Variants in TRIP12 observed in about 807,000 individuals in gnomAD.
TRIP12 encodes thyroid hormone receptor interactor 12, also known as E3 ubiquitin-protein ligase TRIP12.
A neutral mutation model predicts 244.2 loss-of-function variants in TRIP12; 25 were observed. The ratio of observed to expected loss-of-function variants is 0.10; its 90% confidence interval spans 0.07 to 0.14. The LOEUF (loss-of-function observed/expected upper bound fraction) is 0.14, where lower values mean the gene tolerates loss of function less well. Among genes scored for constraint, TRIP12 ranks in the 10% least tolerant of loss-of-function variants. The probability of loss-of-function intolerance (pLI) is 1.00; values close to 1 mark genes in which losing one functional copy is unlikely to be tolerated. For missense variants in TRIP12, 1,677 were observed against 2,486.4 expected, an observed-to-expected ratio of 0.67 and a Z score of 6.92; for synonymous variants, 905 against 873.1, an observed-to-expected ratio of 1.04 and a Z score of -0.64.
chr2:229,789,885 T>C, intron 30 of TRIP12, 123 bp from the exon 31 acceptor site: 3 of 1,023,576 alleles, frequency 2.9e-6, no homozygotes, highest in Non-Finnish European at 4.3e-6. Flanking sequence ...TGGAATCTTA[T>C]TAGTAGGGTA....
intron 23 of TRIP12, among the ~76,000 whole-genome samples, chr2:229,798,394 T>C (rs1193773288): frequency 6.6e-6 from 1 of 151,646 alleles, no homozygotes; most frequent in African/African-American, 2.4e-5. Flanking sequence ...AAATTTCTTA[T>C]CTGCAGAGGG....
In TRIP12 at chr2:229,862,180, A is replaced by G. The variant is rs566256660; in HGVS notation, c.99-1649T>C. Among the ~76,000 whole-genome samples, 19 of 152,084 alleles carry G rather than the reference A, an allele frequency of 1.2e-4. 1 individual carries two copies. The South Asian group carries it at 3.9e-3, about 32-fold the overall frequency. ...CATGTGATTTTCCTGCCTTGTATAT[A>G]TTGTGATTTAATTTTAATTTTTCCT... On this transcript the variant is annotated intron_variant, in intron 2 of 41. Coordinates refer to ENST00000675903, the MANE Select transcript of TRIP12 (RefSeq NM_001348323.3).
intron 9 of TRIP12, 26 bp from the exon 10 acceptor site, chr2:229,815,334 G>C: frequency 2.3e-6 from 3 of 1,328,224 alleles, no homozygotes; most frequent in South Asian, 1.3e-5. Context: ...CAAAATATTA[G>C]AAGCTATATT....
chr2:229,919,748 A>C (rs1054976540), intron 1 of TRIP12, among the ~76,000 whole-genome samples: 100 of 152,332 alleles, frequency 6.6e-4, no homozygotes, highest in African/African-American at 2.2e-3. Flanking sequence ...TCTTAATTAC[A>C]GTTTTCCAAT....
chr2:229,793,292 G>A (rs2041997118), intron 26 of TRIP12, 147 bp from the exon 27 acceptor site: 2 of 774,264 alleles, frequency 2.6e-6, no homozygotes, highest in South Asian at 6.4e-5. Context: ...GAATGGTAAA[G>A]CCAATAATTC....
At chr2:229,918,376 G>C (rs2075894936) in intron 1 of TRIP12, among the ~76,000 whole-genome samples, 1 of 152,170 alleles carries the variant, frequency 6.6e-6, no homozygotes, top group African/African-American at 2.4e-5. Flanking sequence ...GGAGCAACTG[G>C]TATCACATTT....
chr2:229,883,474 T>C (rs938573908), intron 1 of TRIP12, among the ~76,000 whole-genome samples: 5 of 152,214 alleles, frequency 3.3e-5, no homozygotes, highest in Non-Finnish European at 5.9e-5. Flanking sequence ...GTAGTGAATA[T>C]GAACTCGAAG....
intron 38 of TRIP12, 95 bp from the exon 39 acceptor site, chr2:229,771,727 C>A: frequency 1.2e-6 from 1 of 836,310 alleles, no homozygotes; most frequent in Non-Finnish European, 1.9e-6. Context: ...CCTTCTGGAT[C>A]ACTTTATAAA....
At chr2:229,774,044 C>T in intron 38 of TRIP12, 53 bp downstream of exon 38, 1 of 1,573,272 alleles carries the variant, frequency 6.4e-7, no homozygotes, top group Non-Finnish European at 8.6e-7. Flanking sequence ...TACAATCAGG[C>T]AAAGTCCTCC....
Position 229,766,440 on chromosome 2 carries a change from T to C in TRIP12, c.*1114A>G, listed in dbSNP as rs924159546. 10 of 152,184 alleles carry C rather than the reference T, an allele frequency of 6.6e-5. No individual in the cohort carries two copies. Among genetic ancestry groups the C allele is most frequent in the Non-Finnish European group, 7.4e-5 (5 of 68,024 alleles). The allele number at this position is 152,184 out of a possible 1,614,324, so 9.4% of individuals were successfully genotyped here. On this transcript the variant is annotated 3_prime_UTR_variant, in exon 42 of 42. Transcript: ENST00000675903. ...ATTAACCTGATGGATTATTGCAGAT[T>C]TGAGAAATCAGCACATAAAATGACT... is the stretch of plus-strand genomic sequence containing the variant.
chr2:229,908,641 G>A (rs1314905388), intron 1 of TRIP12, among the ~76,000 whole-genome samples: 1 of 152,018 alleles, frequency 6.6e-6, no homozygotes, highest in Non-Finnish European at 1.5e-5. Flanking sequence ...GCTGAGGCAG[G>A]AGAATGGCAT....
intron 4 of TRIP12, among the ~76,000 whole-genome samples, chr2:229,844,702 G>A (rs544091547): frequency 6.6e-6 from 1 of 151,836 alleles, no homozygotes; most frequent in East Asian, 1.9e-4. Context: ...AAATCGGGCA[G>A]GGACGAAGAG....
intron 2 of TRIP12, among the ~76,000 whole-genome samples, chr2:229,877,141 A>C (rs1051519979): frequency 4.6e-5 from 7 of 152,094 alleles, no homozygotes; most frequent in African/African-American, 1.7e-4. Context: ...CTGTCTTCTC[A>C]ACTACTTGCG....
At chr2:229,824,380 G>A (rs1038003810) in intron 8 of TRIP12, among the ~76,000 whole-genome samples, 2 of 152,070 alleles carry the variant, frequency 1.3e-5, no homozygotes, top group African/African-American at 4.8e-5. Flanking sequence ...CAAATGGGGG[G>A]GAGTTTGCAA....
intron 32 of TRIP12, 144 bp from the exon 33 acceptor site, chr2:229,787,805 T>A: frequency 1.3e-6 from 1 of 782,530 alleles, no homozygotes; most frequent in Non-Finnish European, 1.8e-6. Flanking sequence ...TAGGTCAATT[T>A]ATTTATTTAT....
intron 9 of TRIP12, 63 bp downstream of exon 9, chr2:229,818,301 T>C (rs1475979679): frequency 6.5e-7 from 1 of 1,532,076 alleles, no homozygotes; most frequent in Non-Finnish European, 8.9e-7. Context: ...ATACATTCAG[T>C]ACAAAATCGG....
At chr2:229,865,205 G>T (rs549095554) in intron 2 of TRIP12, among the ~76,000 whole-genome samples, 1 of 151,536 alleles carries the variant, frequency 6.6e-6, no homozygotes. Context: ...CTAGCTACTC[G>T]GGAAGCTGGG....
intron 2 of TRIP12, among the ~76,000 whole-genome samples, chr2:229,861,088 C>T (rs1410585173): frequency 6.6e-6 from 1 of 152,102 alleles, no homozygotes; most frequent in East Asian, 1.9e-4. Context: ...AATAAACCTA[C>T]ATGAAATCAA....
Position 229,792,826 on chromosome 2 carries a change from T to C in TRIP12, c.4141+147A>G, listed in dbSNP as rs2041891095. On this transcript the variant is annotated intron_variant, in intron 27 of 41. Coordinates refer to ENST00000675903, the MANE Select transcript of TRIP12 (RefSeq NM_001348323.3). ...GTTCAATGTATGACTATATACTAAG[T>C]AGAAAATAAAAGACAGGAATATAAG... The C allele has an allele frequency of 1.8e-5, 15 of 812,964 alleles. No individual in the cohort carries two copies. The South Asian group carries it at 3.5e-4, about 19-fold the overall frequency. 50.4% of individuals were successfully genotyped at this position (812,964 alleles called of 1,614,324 possible).
Sources: allele counts gnomAD v4.1 joint callset (sites outside exome capture counted in the v4.1 genomes callset), GRCh38; gene constraint gnomAD v4.1.1; transcripts MANE v1.5; gene names NCBI Gene and HGNC (gene_info 2026-07-23, HGNC 2026-07-21).